Variants in EML4 observed in about 807,000 individuals in gnomAD.
EML4 encodes the protein echinoderm microtubule-associated protein-like 4.
In EML4, 72 loss-of-function variants were observed where a neutral mutation model predicts 129.0. The ratio of observed to expected loss-of-function variants is 0.56; its 90% confidence interval spans 0.46 to 0.68. The LOEUF (loss-of-function observed/expected upper bound fraction) is 0.68, where lower values mean the gene tolerates loss of function less well. Ranked by LOEUF, EML4 falls within the 30% of genes least tolerant of loss-of-function variation. EML4 has a pLI of 0.00. For missense variants in EML4, 1,363 were observed against 1,190.6 expected, an observed-to-expected ratio of 1.14 and a Z score of -2.13; for synonymous variants, 532 against 405.0, an observed-to-expected ratio of 1.31 and a Z score of -3.77.
chr2:42,197,339 C>T (rs1671952447), intron 1 of EML4, among the ~76,000 whole-genome samples: 1 of 152,086 alleles, frequency 6.6e-6, no homozygotes, highest in Non-Finnish European at 1.5e-5. Flanking sequence ...ACTGGGTTTA[C>T]ACGCATGAGC....
intron 1 of EML4, among the ~76,000 whole-genome samples, chr2:42,190,835 A>T (rs533980840): frequency 2.0e-5 from 3 of 152,352 alleles, no homozygotes; most frequent in Admixed American, 2.0e-4. Context: ...TTATTTATGG[A>T]CACTGAAATT....
At chr2:42,174,793 A>G (rs1383259043) in intron 1 of EML4, among the ~76,000 whole-genome samples, 1 of 152,114 alleles carries the variant, frequency 6.6e-6, no homozygotes, top group African/African-American at 2.4e-5. Context: ...TTTATAGGTG[A>G]AAAAGGTCTA....
chr2:42,239,967 G>A (rs115721307), intron 1 of EML4, among the ~76,000 whole-genome samples: 2,736 of 152,260 alleles, frequency 0.018, 40 homozygotes, highest in Middle Eastern at 0.051. Context: ...CAAGAGCAAT[G>A]CATAATATAG....
chr2:42,304,628 T>C, intron 17 of EML4, 77 bp downstream of exon 17: 2 of 1,082,466 alleles, frequency 1.8e-6, no homozygotes, highest in Non-Finnish European at 2.9e-6. Flanking sequence ...CTCAATCTGA[T>C]CTGGAGAATT....
intron 1 of EML4, among the ~76,000 whole-genome samples, chr2:42,192,840 T>A (rs1671681190): frequency 6.6e-6 from 1 of 152,156 alleles, no homozygotes; most frequent in South Asian, 2.1e-4. Context: ...TTTTCTGTGG[T>A]CCTTATCTAG....
In EML4 at chr2:42,243,300, T is replaced by C. The variant is rs575196965; in HGVS notation, c.26-2205T>C. Among the ~76,000 whole-genome samples the C allele has an allele frequency of 1.1e-4, 16 of 152,288 alleles. No individual in the cohort carries two copies. The South Asian group carries it at 3.3e-3, about 32-fold the overall frequency. On this transcript the variant is annotated intron_variant, in intron 1 of 22. Coordinates refer to ENST00000318522, the MANE Select transcript of EML4 (RefSeq NM_019063.5). ...GGTAGAAAGAATAGTGACCATAGTC[T>C]AACATACTTACAAAGAATATAGATC...
At position 42,329,006 on chromosome 2, in the gene EML4, C is replaced by T. The variant is rs200429739; in HGVS notation, c.2462C>T (p.Ser821Phe). ...CKVHLFQYPC[S>F]KAKAPSHKYS... Reference sequence around the variant, plus strand: ...GTCCATCTGTTTCAGTATCCCTGCTCCAAAGCAAAGGTAAACTCACTTTAA... The same window carrying T: ...GTCCATCTGTTTCAGTATCCCTGCTTCAAAGCAAAGGTAAACTCACTTTAA... Residue 821 changes from serine to phenylalanine, a missense_variant, in exon 22 of 23, where the codon TCC becomes TTC. Ser to Phe is a radical substitution (Grantham distance 155). Transcript: ENST00000318522. 1 of 1,611,828 alleles carries T rather than the reference C, an allele frequency of 6.2e-7. No homozygotes were observed. Among genetic ancestry groups the T allele is most frequent in the South Asian group, 1.1e-5 (1 of 90,822 alleles).
chr2:42,187,678 A>G (rs114366943), intron 1 of EML4, among the ~76,000 whole-genome samples: 2 of 137,180 alleles, frequency 1.5e-5, no homozygotes, highest in Non-Finnish European at 3.2e-5. Flanking sequence ...ATTTTTTTTA[A>G]AAAAAAATGG....
intron 1 of EML4, among the ~76,000 whole-genome samples, chr2:42,178,223 C>A (rs544924539): frequency 3.9e-4 from 60 of 152,130 alleles, no homozygotes; most frequent in African/African-American, 1.4e-3. Flanking sequence ...GTATGTTTAC[C>A]TTGCAAATCA....
intron 17 of EML4, among the ~76,000 whole-genome samples, chr2:42,308,334 T>C (rs548223270): frequency 7.0e-4 from 107 of 152,078 alleles, no homozygotes; most frequent in African/African-American, 2.3e-3. Context: ...GGCAAAACCC[T>C]GTCTTTACAA....
intron 19 of EML4, among the ~76,000 whole-genome samples, chr2:42,324,128 G>A (rs974482164): frequency 6.0e-5 from 9 of 150,962 alleles, no homozygotes; most frequent in Non-Finnish European, 1.3e-4. Flanking sequence ...AACCCCGTCT[G>A]TACTAAAAAT....
chr2:42,264,888 T>G (rs766362769), intron 6 of EML4, 157 bp downstream of exon 6: 5 of 1,548,622 alleles, frequency 3.2e-6, no homozygotes, highest in Non-Finnish European at 4.4e-6. Flanking sequence ...CAGTTTTTAT[T>G]GTAAGGTAAT....
At chr2:42,280,172 C>G (rs1238141400) in intron 6 of EML4, among the ~76,000 whole-genome samples, 6 of 152,180 alleles carry the variant, frequency 3.9e-5, no homozygotes, top group African/African-American at 1.2e-4. Context: ...TAATCTCACT[C>G]TTCTTTTCAA....
intron 22 of EML4, among the ~76,000 whole-genome samples, 171 bp downstream of exon 22, chr2:42,329,187 C>T (rs1369205588): frequency 1.3e-5 from 2 of 152,190 alleles, no homozygotes; most frequent in African/African-American, 4.8e-5. Flanking sequence ...GTCTTCTCCC[C>T]CTTCCTAAGG....
chr2:42,329,107 C>T, intron 22 of EML4, 91 bp downstream of exon 22: 1 of 1,328,664 alleles, frequency 7.5e-7, no homozygotes, highest in Non-Finnish European at 1.0e-6. Flanking sequence ...GTTACTGATT[C>T]CTCTCCATGA....
intron 10 of EML4, among the ~76,000 whole-genome samples, chr2:42,286,889 G>T (rs968054010): frequency 6.6e-6 from 1 of 152,122 alleles, no homozygotes; most frequent in Non-Finnish European, 1.5e-5. Context: ...GACAACATGG[G>T]TTTAAAATTT....
At position 42,188,813 on chromosome 2, in the gene EML4, G is replaced by A. The variant is rs1041459900; in HGVS notation, c.25+19177G>A. Among the ~76,000 whole-genome samples, 14 of 152,070 alleles carry A rather than the reference G, an allele frequency of 9.2e-5. 1 individual carries two copies. Among genetic ancestry groups the A allele is most frequent in the Admixed American group, 6.5e-4 (10 of 15,278 alleles). ...AGGGCTGGGATTACAGGTGTGAACC[G>A]CCATGCCCAGCCTACTTTTAAAATT... is the stretch of plus-strand genomic sequence containing the variant. On this transcript the variant is annotated intron_variant, in intron 1 of 22. Coordinates refer to ENST00000318522, the MANE Select transcript of EML4 (RefSeq NM_019063.5).
At chr2:42,233,008 C>A (rs752016802) in intron 1 of EML4, among the ~76,000 whole-genome samples, 1 of 152,170 alleles carries the variant, frequency 6.6e-6, no homozygotes, top group Non-Finnish European at 1.5e-5. Flanking sequence ...AGGTGTGAGC[C>A]GCTGTGCCTG....
chr2:42,330,031 G>C lies in EML4; in HGVS notation c.2770G>C (p.Glu924Gln), dbSNP rs1026264828. The change falls in exon 23 of 23, where the codon GAG becomes CAG. Residue 924 changes from glutamate (E) to glutamine (Q), a missense_variant. Transcript: ENST00000318522. ...AATAAGCAGTTCTCCCACACTTCTGGAGAACAGCCTGGAACAAACTGTGGA... is the reference window on the plus strand; with the variant it reads ...AATAAGCAGTTCTCCCACACTTCTGCAGAACAGCCTGGAACAAACTGTGGA... Reference protein sequence around the residue: ...SRISSSPTLLENSLEQTVEPS... With the variant: ...SRISSSPTLLQNSLEQTVEPS... 8 of 1,613,518 alleles carry C rather than the reference G, an allele frequency of 5.0e-6. No homozygotes were observed. Among genetic ancestry groups the C allele is most frequent in the Non-Finnish European group, 6.8e-6 (8 of 1,179,934 alleles).
Sources: allele counts gnomAD v4.1 joint callset (sites outside exome capture counted in the v4.1 genomes callset), GRCh38; gene constraint gnomAD v4.1.1; transcripts MANE v1.5; gene names NCBI Gene and HGNC (gene_info 2026-07-23, HGNC 2026-07-21).